Variants in TNIK observed in about 807,000 individuals in gnomAD.
TNIK encodes the protein TRAF2 and NCK-interacting protein kinase.
In TNIK, 49 loss-of-function variants were observed where a neutral mutation model predicts 191.3. That is an observed-to-expected ratio of 0.26 (90% CI 0.20 to 0.32). The LOEUF (loss-of-function observed/expected upper bound fraction) is 0.32. TNIK is among the 10% of genes least tolerant of loss of function. The pLI, the probability that TNIK is intolerant of heterozygous loss-of-function variation, is 1.00. For missense variants in TNIK, 1,155 were observed against 1,702.3 expected, an observed-to-expected ratio of 0.68 and a Z score of 5.66; for synonymous variants, 594 against 600.9, an observed-to-expected ratio of 0.99 and a Z score of 0.17.
chr3:171,348,332 G>C (rs984111637), intron 2 of TNIK, among the ~76,000 whole-genome samples: 3 of 152,138 alleles, frequency 2.0e-5, no homozygotes, highest in African/African-American at 7.2e-5. Context: ...TGATTATCAT[G>C]TGGCATAAAG....
chr3:171,306,094 T>C (rs962219709), intron 2 of TNIK, among the ~76,000 whole-genome samples: 3 of 152,136 alleles, frequency 2.0e-5, no homozygotes, highest in South Asian at 4.1e-4. Context: ...GCCATTTCCT[T>C]AGGAAACTAA....
At chr3:171,069,138 GT>G (rs1289279683) in intron 29 of TNIK, 141 bp from the exon 30 acceptor site, 39 of 1,065,294 alleles carry the variant, frequency 3.7e-5, no homozygotes, top group Non-Finnish European at 5.1e-5. Flanking sequence ...TTTTAGGTCT[GT>G]TGATATTCTG....
At chr3:171,357,246 C>G (rs900181208) in intron 2 of TNIK, among the ~76,000 whole-genome samples, 4 of 151,892 alleles carry the variant, frequency 2.6e-5, no homozygotes, top group Non-Finnish European at 5.9e-5. Flanking sequence ...TGAAGCAAAC[C>G]TAAACATATC....
chr3:171,442,027 T>C (rs1485294189), intron 1 of TNIK, among the ~76,000 whole-genome samples: 1 of 152,134 alleles, frequency 6.6e-6, no homozygotes, highest in Non-Finnish European at 1.5e-5. Context: ...ACCAAGTAAA[T>C]ATAATGATCA....
At chr3:171,336,497 G>A (rs1382561636) in intron 2 of TNIK, among the ~76,000 whole-genome samples, 3 of 152,144 alleles carry the variant, frequency 2.0e-5, no homozygotes. Flanking sequence ...TCAAGCTTCT[G>A]TGACAATTTT....
chr3:171,096,303 T>C (rs1164911228), intron 22 of TNIK, among the ~76,000 whole-genome samples: 2 of 151,960 alleles, frequency 1.3e-5, no homozygotes, highest in Admixed American at 1.3e-4. Flanking sequence ...TTCCCCCTCA[T>C]ATCCACTCCT....
At chr3:171,127,520 C>T (rs1348263069) in intron 16 of TNIK, among the ~76,000 whole-genome samples, 1 of 152,156 alleles carries the variant, frequency 6.6e-6, no homozygotes, top group Non-Finnish European at 1.5e-5. Context: ...AAAATATCTA[C>T]ATTTTCACTC....
intron 1 of TNIK, among the ~76,000 whole-genome samples, chr3:171,396,947 A>G (rs1345855207): frequency 1.3e-5 from 2 of 152,332 alleles, no homozygotes; most frequent in East Asian, 3.9e-4. Context: ...TGCATTAGGT[A>G]CAGACAATTT....
chr3:171,120,961 C>T (rs998508612), intron 18 of TNIK, among the ~76,000 whole-genome samples: 4 of 152,160 alleles, frequency 2.6e-5, no homozygotes, highest in African/African-American at 9.7e-5. Flanking sequence ...CACTGGGTCC[C>T]AGGGCCACAT....
chr3:171,097,836 C>A (rs1220645470), intron 22 of TNIK, among the ~76,000 whole-genome samples: 1 of 152,146 alleles, frequency 6.6e-6, no homozygotes, highest in Non-Finnish European at 1.5e-5. Flanking sequence ...TGGGAATTTA[C>A]AAACAAGCAA....
intron 2 of TNIK, among the ~76,000 whole-genome samples, chr3:171,264,111 CATAT>C (rs1167898609): frequency 9.7e-4 from 59 of 61,022 alleles, no homozygotes; most frequent in African/African-American, 5.0e-3. Context: ...CACACACACA[CATAT>C]ATATATATAT....
At chr3:171,124,136 C>G (rs1225277050) in intron 17 of TNIK, among the ~76,000 whole-genome samples, 3 of 152,166 alleles carry the variant, frequency 2.0e-5, no homozygotes, top group Admixed American at 2.0e-4. Context: ...TCACAATAAA[C>G]AGATAAGGAA....
At chr3:171,282,951 G>A (rs1033957447) in intron 2 of TNIK, among the ~76,000 whole-genome samples, 1 of 152,062 alleles carries the variant, frequency 6.6e-6, no homozygotes, top group Admixed American at 6.5e-5. Context: ...GCTCCTTACA[G>A]CCTGGGCCCG....
intron 2 of TNIK, among the ~76,000 whole-genome samples, chr3:171,325,255 T>C (rs1187059580): frequency 1.3e-5 from 2 of 151,448 alleles, no homozygotes; most frequent in South Asian, 4.2e-4. Context: ...AAAAGTGGAG[T>C]GGCAATTATA....
chr3:171,339,776 T>C (rs1560449940), intron 2 of TNIK, among the ~76,000 whole-genome samples: 1 of 152,336 alleles, frequency 6.6e-6, no homozygotes, highest in East Asian at 1.9e-4. Flanking sequence ...GGTCTGTTGC[T>C]GTAATTTTCA....
intron 1 of TNIK, among the ~76,000 whole-genome samples, chr3:171,418,227 T>C (rs762639421): frequency 1.3e-5 from 2 of 152,204 alleles, no homozygotes; most frequent in Non-Finnish European, 2.9e-5. Context: ...ATAAACCCTT[T>C]GGTAATTCTT....
At chr3:171,146,911 A>AAAAAG (rs1553836475) in intron 12 of TNIK, among the ~76,000 whole-genome samples, 4 of 149,844 alleles carry the variant, frequency 2.7e-5, no homozygotes, top group Non-Finnish European at 2.9e-5. Context: ...AAAAAAAAAA[A>AAAAAG]AAGTGACGAA....
intron 2 of TNIK, among the ~76,000 whole-genome samples, chr3:171,345,059 A>G (rs75357327): frequency 0.032 from 4,856 of 152,192 alleles, 165 homozygotes; most frequent in African/African-American, 0.086. Flanking sequence ...AGTGACATCT[A>G]TGGTCTCAAC....
rs1241129529 is a variant in TNIK, at chr3:171,063,686, T to G, written c.*195A>C. 8.4e-5 allele frequency: 42 copies of G among 500,334 alleles called. No individual in the cohort carries two copies. The highest frequency in any genetic ancestry group is 1.4e-5 in the Non-Finnish European group (4 of 286,710). 31.0% of individuals were successfully genotyped at this position (500,334 alleles called of 1,614,324 possible). On this transcript the variant is annotated 3_prime_UTR_variant, in exon 33 of 33. Transcript: ENST00000436636. ...ATCTCCTGGAAATTCCTGCCACCTT[T>G]TTCTCTCCTTCTCAACCAGGCTGCA... is the stretch of plus-strand genomic sequence containing the variant.
Sources: allele counts gnomAD v4.1 joint callset (sites outside exome capture counted in the v4.1 genomes callset), GRCh38; gene constraint gnomAD v4.1.1; transcripts MANE v1.5; gene names NCBI Gene and HGNC (gene_info 2026-07-23, HGNC 2026-07-21).